Variants in SKAP2 observed in about 807,000 individuals in gnomAD.
The protein encoded by SKAP2 is src kinase associated phosphoprotein 2, also known as src kinase-associated phosphoprotein 2.
In SKAP2, 28 loss-of-function variants were observed where a neutral mutation model predicts 54.9. That is an observed-to-expected ratio of 0.51 (90% CI 0.38 to 0.70). SKAP2 has a LOEUF of 0.70. Ranked by LOEUF, SKAP2 falls within the 30% of genes least tolerant of loss-of-function variation. The pLI, the probability that SKAP2 is intolerant of heterozygous loss-of-function variation, is 0.00. For synonymous variants in SKAP2, 137 were observed against 134.3 expected, an observed-to-expected ratio of 1.02 and a Z score of -0.14; for missense variants, 356 against 424.1, an observed-to-expected ratio of 0.84 and a Z score of 1.41.
chr7:26,723,867 G>A (rs1476733552), intron 9 of SKAP2, among the ~76,000 whole-genome samples: 3 of 152,074 alleles, frequency 2.0e-5, no homozygotes, highest in African/African-American at 7.2e-5. Context: ...CATTTTATGA[G>A]TATACATTCT....
intron 3 of SKAP2, among the ~76,000 whole-genome samples, chr7:26,844,526 A>G (rs1355450314): frequency 6.6e-6 from 1 of 152,174 alleles, no homozygotes; most frequent in Non-Finnish European, 1.5e-5. Flanking sequence ...AGGAAGCACA[A>G]CAGAAAACAT....
chr7:26,773,436 T>C (rs535837443), intron 4 of SKAP2, among the ~76,000 whole-genome samples: 7 of 152,370 alleles, frequency 4.6e-5, no homozygotes, highest in Non-Finnish European at 1.0e-4. Context: ...GTTACATTCA[T>C]TCTGCATCTT....
At chr7:26,786,711 T>C (rs1343838545) in intron 4 of SKAP2, among the ~76,000 whole-genome samples, 2 of 152,240 alleles carry the variant, frequency 1.3e-5, no homozygotes, top group East Asian at 3.8e-4. Context: ...TCATGAGCTC[T>C]TTTAGTATGC....
At chr7:26,677,807 T>C (rs1381837008) in intron 11 of SKAP2, among the ~76,000 whole-genome samples, 1 of 152,252 alleles carries the variant, frequency 6.6e-6, no homozygotes, top group Non-Finnish European at 1.5e-5. Context: ...AATAGTACTT[T>C]GCATGAGTGT....
intron 9 of SKAP2, among the ~76,000 whole-genome samples, chr7:26,723,212 T>TCTAA (rs1305084325): frequency 7.2e-5 from 11 of 152,198 alleles, no homozygotes; most frequent in Non-Finnish European, 1.5e-4. Context: ...AAACAAAACC[T>TCTAA]CTAACTCTGA....
intron 4 of SKAP2, among the ~76,000 whole-genome samples, chr7:26,767,286 T>A (rs151305818): frequency 3.7e-4 from 57 of 152,346 alleles, no homozygotes; most frequent in African/African-American, 1.4e-3. Flanking sequence ...CTGACAGTAG[T>A]CTGTATTTCT....
At chr7:26,727,411 T>C (rs1270876314) in intron 6 of SKAP2, among the ~76,000 whole-genome samples, 1 of 151,982 alleles carries the variant, frequency 6.6e-6, no homozygotes, top group Non-Finnish European at 1.5e-5. Context: ...CTTTCACCTA[T>C]CCCTCCCCAG....
intron 4 of SKAP2, among the ~76,000 whole-genome samples, chr7:26,833,238 A>AC (rs1028725795): frequency 8.4e-4 from 79 of 94,066 alleles, no homozygotes; most frequent in Non-Finnish European, 1.4e-3. Flanking sequence ...CTAAAAACAC[A>AC]AAAAAAAATT....
intron 9 of SKAP2, among the ~76,000 whole-genome samples, chr7:26,694,962 T>C (rs1015844594): frequency 1.3e-5 from 2 of 152,140 alleles, no homozygotes; most frequent in Non-Finnish European, 2.9e-5. Context: ...TTCTTATCTT[T>C]AGGATAAATA....
At chr7:26,739,344 C>T (rs1358674742) in intron 5 of SKAP2, among the ~76,000 whole-genome samples, 1 of 152,242 alleles carries the variant, frequency 6.6e-6, no homozygotes, top group Non-Finnish European at 1.5e-5. Context: ...AATGAAAAGA[C>T]TGTCTGCTTT....
chr7:26,834,603 G>A (rs1464934103), intron 4 of SKAP2, among the ~76,000 whole-genome samples: 2 of 152,074 alleles, frequency 1.3e-5, no homozygotes, highest in Admixed American at 1.3e-4. Flanking sequence ...AAAAGAAATG[G>A]ATGAATTCCT....
intron 4 of SKAP2, among the ~76,000 whole-genome samples, chr7:26,820,044 G>A (rs555397806): frequency 7.2e-5 from 11 of 152,010 alleles, no homozygotes; most frequent in South Asian, 2.1e-4. Context: ...TAAGCCTGGC[G>A]CACTGGCACA....
intron 6 of SKAP2, among the ~76,000 whole-genome samples, chr7:26,737,561 AAAT>A (rs1488521782): frequency 1.3e-5 from 2 of 152,358 alleles, no homozygotes; most frequent in East Asian, 3.9e-4. Context: ...TAAAAACTAT[AAAT>A]AATGTCAAAT....
chr7:26,719,259 T>G (rs192017847), intron 9 of SKAP2, among the ~76,000 whole-genome samples: 1 of 152,298 alleles, frequency 6.6e-6, no homozygotes, highest in Non-Finnish European at 1.5e-5. Flanking sequence ...CAGTATGGCT[T>G]GTTGTGAAGT....
intron 4 of SKAP2, among the ~76,000 whole-genome samples, chr7:26,813,117 T>A (rs1026510563): frequency 2.0e-5 from 3 of 152,168 alleles, no homozygotes; most frequent in African/African-American, 7.2e-5. Context: ...ACTTCAATTT[T>A]TTTAAAAATT....
intron 9 of SKAP2, among the ~76,000 whole-genome samples, chr7:26,722,996 A>G (rs963240403): frequency 3.3e-5 from 5 of 152,218 alleles, no homozygotes; most frequent in Non-Finnish European, 4.4e-5. Flanking sequence ...CCAGTCAGAT[A>G]TCAGAGATAC....
chr7:26,856,316 T>C (rs1785161906), intron 1 of SKAP2, among the ~76,000 whole-genome samples: 1 of 151,968 alleles, frequency 6.6e-6, no homozygotes. Flanking sequence ...ACAACTGATG[T>C]ATTAAAAAAT....
At chr7:26,674,744 T>C (rs1786317091) in intron 11 of SKAP2, among the ~76,000 whole-genome samples, 1 of 152,228 alleles carries the variant, frequency 6.6e-6, no homozygotes, top group African/African-American at 2.4e-5. Flanking sequence ...AAAGAATTAC[T>C]GTTTTTCCTC....
chr7:26,733,066 G>A (rs562734302), intron 6 of SKAP2, among the ~76,000 whole-genome samples: 10 of 152,100 alleles, frequency 6.6e-5, no homozygotes, highest in Admixed American at 2.6e-4. Flanking sequence ...GGGAGGCGGA[G>A]GTTGCAGTGT....
Sources: allele counts gnomAD v4.1 joint callset (sites outside exome capture counted in the v4.1 genomes callset), GRCh38; gene constraint gnomAD v4.1.1; transcripts MANE v1.5; gene names NCBI Gene and HGNC (gene_info 2026-07-23, HGNC 2026-07-21).